Variants in CCDC172 observed in about 807,000 individuals in gnomAD.
CCDC172 encodes coiled-coil domain-containing protein 172.
In CCDC172, 30 loss-of-function variants were observed where a neutral mutation model predicts 38.0. That is an observed-to-expected ratio of 0.79 (90% CI 0.59 to 1.07). CCDC172 has a LOEUF of 1.07. CCDC172 is among the 50% of genes least tolerant of loss of function. CCDC172 has a pLI of 0.00. For synonymous variants in CCDC172, 78 were observed against 88.3 expected (o/e 0.88, Z 0.66); for missense variants, 297 against 290.1 (o/e 1.02, Z -0.17).
chr10:116,379,605 A>T lies in CCDC172; in HGVS notation c.*247A>T, dbSNP rs1845288112. 4 of 334,524 alleles carry T rather than the reference A, an allele frequency of 1.2e-5. No homozygotes were observed. The highest frequency in any genetic ancestry group is 2.2e-5 in the Non-Finnish European group (4 of 185,516). 20.7% of individuals were successfully genotyped at this position (334,524 alleles called of 1,614,324 possible). On this transcript the variant is annotated 3_prime_UTR_variant, in exon 9 of 9. Coordinates refer to ENST00000333254, the MANE Select transcript of CCDC172 (RefSeq NM_198515.3). Reference sequence around the variant, plus strand: ...TTTCTAAAAGAAGGAAAAGGAGAAGAAGTAGATACCGTGTTCCCAGGCTTC... The same window carrying T: ...TTTCTAAAAGAAGGAAAAGGAGAAGTAGTAGATACCGTGTTCCCAGGCTTC...
At chr10:116,353,913 C>A (rs1844962527) in intron 5 of CCDC172, among the ~76,000 whole-genome samples, 1 of 152,158 alleles carries the variant, frequency 6.6e-6, no homozygotes, top group African/African-American at 2.4e-5. Flanking sequence ...TAAAATGATG[C>A]AACTGCTTTG....
At chr10:116,362,505 G>A (rs1279582397) in intron 7 of CCDC172, among the ~76,000 whole-genome samples, 2 of 152,114 alleles carry the variant, frequency 1.3e-5, no homozygotes, top group East Asian at 3.9e-4. Flanking sequence ...GAGTCTTTCT[G>A]TAACATTATT....
chr10:116,330,081 G>T (rs1031510408), intron 3 of CCDC172, among the ~76,000 whole-genome samples: 3 of 152,134 alleles, frequency 2.0e-5, no homozygotes, highest in Non-Finnish European at 4.4e-5. Flanking sequence ...TGACAGTCAA[G>T]TTGTAGTTAT....
chr10:116,343,636 T>C (rs768676899), intron 5 of CCDC172, among the ~76,000 whole-genome samples: 32 of 152,088 alleles, frequency 2.1e-4, no homozygotes, highest in Non-Finnish European at 4.3e-4. Context: ...CCTCTGTCCA[T>C]TTCAGTCCAA....
intron 7 of CCDC172, among the ~76,000 whole-genome samples, 171 bp downstream of exon 7, chr10:116,358,109 A>G (rs1845022193): frequency 6.6e-6 from 1 of 152,088 alleles, no homozygotes; most frequent in Non-Finnish European, 1.5e-5. Context: ...CAGGGCCTAG[A>G]AAGTGCTACA....
intron 3 of CCDC172, among the ~76,000 whole-genome samples, chr10:116,336,782 C>T (rs1470717757): frequency 1.3e-5 from 2 of 152,044 alleles, no homozygotes; most frequent in Admixed American, 1.3e-4. Flanking sequence ...TTAACAACAG[C>T]AACCACAACA....
chr10:116,372,039 C>A (rs1845191530), intron 7 of CCDC172, among the ~76,000 whole-genome samples: 1 of 151,996 alleles, frequency 6.6e-6, no homozygotes, highest in African/African-American at 2.4e-5. Context: ...TTCTATCTAC[C>A]ATTGAGTGGT....
chr10:116,343,444 C>A (rs1398442464), intron 5 of CCDC172, among the ~76,000 whole-genome samples: 1 of 151,912 alleles, frequency 6.6e-6, no homozygotes, highest in Non-Finnish European at 1.5e-5. Context: ...AGTCATCCTC[C>A]CTCCTGGGAA....
chr10:116,350,500 A>G (rs1354635163), intron 5 of CCDC172, among the ~76,000 whole-genome samples: 1 of 152,244 alleles, frequency 6.6e-6, no homozygotes, highest in Non-Finnish European at 1.5e-5. Flanking sequence ...ATTGATATTC[A>G]ATATATCTGT....
At chr10:116,357,589 A>C in intron 6 of CCDC172, 108 bp downstream of exon 6, 2 of 954,564 alleles carry the variant, frequency 2.1e-6, no homozygotes, top group Non-Finnish European at 2.9e-6. Context: ...ATATAGTGCT[A>C]TTATTGGTAT....
At chr10:116,331,967 T>C (rs1844668371) in intron 3 of CCDC172, among the ~76,000 whole-genome samples, 3 of 152,188 alleles carry the variant, frequency 2.0e-5, no homozygotes, top group Admixed American at 6.5e-5. Flanking sequence ...AGCTCACTTA[T>C]ACACTGCATC....
At chr10:116,332,359 A>G (rs1044454808) in intron 3 of CCDC172, among the ~76,000 whole-genome samples, 3 of 152,166 alleles carry the variant, frequency 2.0e-5, no homozygotes, top group African/African-American at 7.2e-5. Context: ...ATTCTGCACT[A>G]TAAAACTCTT....
At chr10:116,349,517 C>T (rs1239481406) in intron 5 of CCDC172, among the ~76,000 whole-genome samples, 3 of 152,210 alleles carry the variant, frequency 2.0e-5, no homozygotes, top group Non-Finnish European at 4.4e-5. Context: ...GTTATATTCT[C>T]TCATTGCCCT....
chr10:116,363,480 A>G (rs1845087991), intron 7 of CCDC172, among the ~76,000 whole-genome samples: 1 of 151,844 alleles, frequency 6.6e-6, no homozygotes, highest in African/African-American at 2.4e-5. Context: ...TTTTGTGCTT[A>G]AATGCCACTA....
intron 3 of CCDC172, among the ~76,000 whole-genome samples, chr10:116,338,270 A>G (rs1024253761): frequency 3.3e-5 from 5 of 152,072 alleles, no homozygotes; most frequent in African/African-American, 9.7e-5. Flanking sequence ...AGACTTTTGT[A>G]TTAACATTTT....
chr10:116,362,901 T>G (rs1259000016), intron 7 of CCDC172, among the ~76,000 whole-genome samples: 2 of 152,180 alleles, frequency 1.3e-5, no homozygotes, highest in African/African-American at 2.4e-5. Context: ...AGATCCCCTG[T>G]TTTGTGAATC....
intron 3 of CCDC172, among the ~76,000 whole-genome samples, chr10:116,333,582 C>A (rs899144154): frequency 6.6e-6 from 1 of 152,100 alleles, no homozygotes; most frequent in Non-Finnish European, 1.5e-5. Context: ...TAAGGTACTG[C>A]CACCTGAGTT....
At chr10:116,339,905 A>T (rs551991851) in intron 3 of CCDC172, among the ~76,000 whole-genome samples, 2 of 152,062 alleles carry the variant, frequency 1.3e-5, no homozygotes, top group African/African-American at 4.8e-5. Context: ...TGCTTTCTGC[A>T]ATTTAAGTTG....
chr10:116,369,883 T>A (rs527520121), intron 7 of CCDC172, among the ~76,000 whole-genome samples: 4 of 152,082 alleles, frequency 2.6e-5, no homozygotes, highest in African/African-American at 9.6e-5. Flanking sequence ...GTTGTCAAGT[T>A]TTTGAAGTTT....
Sources: gnomAD v4.1 joint callset for allele counts (sites outside exome capture counted in the v4.1 genomes callset) on GRCh38, gnomAD v4.1.1 for gene constraint, MANE v1.5 for transcripts, NCBI Gene and HGNC (gene_info 2026-07-23, HGNC 2026-07-21) for gene names.